KCNB2: variants seen among roughly 807,000 people sequenced by gnomAD.
KCNB2 encodes delayed rectifier potassium channel protein.
Under a neutral mutation model 61.5 loss-of-function variants are expected in KCNB2, and 15 were observed. The ratio of observed to expected loss-of-function variants is 0.24; its 90% confidence interval spans 0.16 to 0.38. The LOEUF (loss-of-function observed/expected upper bound fraction) is 0.38, where lower values mean the gene tolerates loss of function less well. Among genes scored for constraint, KCNB2 ranks in the 10% least tolerant of loss-of-function variants. KCNB2 has a pLI of 1.00. For missense variants in KCNB2, 828 were observed against 1,125.2 expected (o/e 0.74, Z 3.78); for synonymous variants, 457 against 446.0 (o/e 1.02, Z -0.31).
At chr8:72,701,161 A>C (rs1807118219) in intron 2 of KCNB2, among the ~76,000 whole-genome samples, 1 of 152,174 alleles carries the variant, frequency 6.6e-6, no homozygotes, top group Non-Finnish European at 1.5e-5. Context: ...GTCGTACCCA[A>C]GTCTTAGCAT....
chr8:72,935,325 A>G (rs770121988), intron 2 of KCNB2, among the ~76,000 whole-genome samples: 1 of 152,180 alleles, frequency 6.6e-6, no homozygotes, highest in East Asian at 1.9e-4. Context: ...TGAAGTTAGC[A>G]TATAATCTTC....
chr8:72,570,883 A>G (rs1177033310), intron 2 of KCNB2, among the ~76,000 whole-genome samples: 2 of 152,212 alleles, frequency 1.3e-5, no homozygotes, highest in Admixed American at 6.5e-5. Flanking sequence ...TTAGTTGAAC[A>G]TATGCTGTAT....
intron 2 of KCNB2, among the ~76,000 whole-genome samples, chr8:72,583,940 T>C (rs1336263195): frequency 4.9e-5 from 4 of 81,714 alleles, no homozygotes; most frequent in Non-Finnish European, 1.0e-4. Flanking sequence ...GTTACAACAA[T>C]AGAATATCAA....
chr8:72,920,463 ATCTATCTATC>A (rs1806494956), intron 2 of KCNB2, among the ~76,000 whole-genome samples: 2 of 84,398 alleles, frequency 2.4e-5, no homozygotes, highest in East Asian at 2.2e-4. Flanking sequence ...CTATCTATCT[ATCTATCTATC>A]TATATATATA....
chr8:72,892,155 T>C (rs7341626), intron 2 of KCNB2, among the ~76,000 whole-genome samples: 43,341 of 152,100 alleles, frequency 0.28, 6,496 homozygotes, highest in Middle Eastern at 0.37. Flanking sequence ...TATTAGGTTC[T>C]TCATTTTAAA....
chr8:72,782,905 C>A (rs1157495697), intron 2 of KCNB2, among the ~76,000 whole-genome samples: 1 of 151,992 alleles, frequency 6.6e-6, no homozygotes, highest in Non-Finnish European at 1.5e-5. Context: ...AGTTTAAGAA[C>A]CTTTCAAGCA....
intron 2 of KCNB2, among the ~76,000 whole-genome samples, chr8:72,901,230 G>A (rs1287237917): frequency 1.3e-5 from 2 of 152,134 alleles, no homozygotes; most frequent in African/African-American, 4.8e-5. Flanking sequence ...TGCAGGAGAT[G>A]ACTCTAACAG....
chr8:72,774,891 C>T lies in KCNB2; in HGVS notation c.580-161044C>T, dbSNP rs113055400. 2.3e-3 allele frequency among the ~76,000 whole-genome samples: 346 copies of T among 152,168 alleles called. 4 individuals carry two copies. The highest frequency in any genetic ancestry group is 0.01 in the Middle Eastern group (3 of 294). ...TATCCGTGTAGCTCAGGAATGAAATCTCCTGGGCTCCAGAGACAGACAGCA... is the reference window on the plus strand; with the variant it reads ...TATCCGTGTAGCTCAGGAATGAAATTTCCTGGGCTCCAGAGACAGACAGCA... On this transcript the variant is annotated intron_variant, in intron 2 of 2. Coordinates refer to ENST00000523207, the MANE Select transcript of KCNB2 (RefSeq NM_004770.3).
intron 2 of KCNB2, among the ~76,000 whole-genome samples, chr8:72,851,826 G>GAA (rs55696554): frequency 0.012 from 527 of 43,818 alleles, 27 homozygotes; most frequent in African/African-American, 0.034. Context: ...GAAGCTGTAG[G>GAA]AAAAAAAAAA....
intron 2 of KCNB2, among the ~76,000 whole-genome samples, chr8:72,858,342 T>A (rs1183640896): frequency 6.6e-6 from 1 of 152,170 alleles, no homozygotes; most frequent in Non-Finnish European, 1.5e-5. Flanking sequence ...TCAAGATATG[T>A]CTTTAGAGGA....
chr8:72,585,215 A>G (rs922570692), intron 2 of KCNB2, among the ~76,000 whole-genome samples: 1 of 152,190 alleles, frequency 6.6e-6, no homozygotes, highest in Non-Finnish European at 1.5e-5. Context: ...GTGGCAGACT[A>G]TAGACAAGAG....
At position 72,937,457 on chromosome 8, in the gene KCNB2, A is replaced by G. The variant is rs1806941954; in HGVS notation, c.2102A>G (p.Lys701Arg). 1 of 1,613,824 alleles carries G rather than the reference A, an allele frequency of 6.2e-7. No homozygotes were observed. Among genetic ancestry groups the G allele is most frequent in the Admixed American group, 1.7e-5 (1 of 59,966 alleles). The change falls in exon 3 of 3, where the codon AAG becomes AGG. Residue 701 changes from lysine to arginine, a missense_variant. Transcript: ENST00000523207. Reference protein sequence around the residue: ...LQSDNATDSPKSSLKGSNPLK... With the variant: ...LQSDNATDSPRSSLKGSNPLK... The stretch of plus-strand genomic sequence containing the variant: ...TCTGACAATGCCACCGACAGTCCTA[A>G]GAGCTCTCTAAAAGGCAGCAACCCA...
intron 2 of KCNB2, among the ~76,000 whole-genome samples, chr8:72,789,279 T>G (rs1162593682): frequency 6.6e-6 from 1 of 152,208 alleles, no homozygotes; most frequent in Non-Finnish European, 1.5e-5. Flanking sequence ...CAACATTTTA[T>G]GGGATTAGAG....
chr8:72,702,176 A>G (rs982916801), intron 2 of KCNB2, among the ~76,000 whole-genome samples: 1 of 152,212 alleles, frequency 6.6e-6, no homozygotes, highest in Admixed American at 6.5e-5. Context: ...GAGGATGCAC[A>G]TACCAAAACA....
At chr8:72,871,521 T>C (rs1211305995) in intron 2 of KCNB2, among the ~76,000 whole-genome samples, 1 of 152,262 alleles carries the variant, frequency 6.6e-6, no homozygotes, top group Non-Finnish European at 1.5e-5. Flanking sequence ...TTCTGCAAGA[T>C]ACACATTACT....
At chr8:72,723,435 A>G (rs1051106959) in intron 2 of KCNB2, among the ~76,000 whole-genome samples, 2 of 152,190 alleles carry the variant, frequency 1.3e-5, no homozygotes, top group African/African-American at 4.8e-5. Context: ...AGTGTCCACT[A>G]TAATAACCAT....
chr8:72,774,708 T>G (rs1053439616), intron 2 of KCNB2, among the ~76,000 whole-genome samples: 3 of 152,054 alleles, frequency 2.0e-5, no homozygotes, highest in African/African-American at 7.2e-5. Context: ...ATTATATTGA[T>G]CAAAACATAA....
At chr8:72,862,732 G>T (rs567422978) in intron 2 of KCNB2, among the ~76,000 whole-genome samples, 1 of 152,254 alleles carries the variant, frequency 6.6e-6, no homozygotes, top group South Asian at 2.1e-4. Flanking sequence ...TCATGTTCCA[G>T]TTTGTGGGCC....
intron 2 of KCNB2, among the ~76,000 whole-genome samples, chr8:72,831,662 T>A (rs1277919016): frequency 6.6e-6 from 1 of 152,268 alleles, no homozygotes; most frequent in Non-Finnish European, 1.5e-5. Context: ...ATTGCAAATA[T>A]GTTCATGTCA....
Sources: gnomAD v4.1 joint callset for allele counts (sites outside exome capture counted in the v4.1 genomes callset) on GRCh38, gnomAD v4.1.1 for gene constraint, MANE v1.5 for transcripts, NCBI Gene and HGNC (gene_info 2026-07-23, HGNC 2026-07-21) for gene names.